Variants in DLGAP4 observed in about 807,000 individuals in gnomAD.
DLGAP4 encodes the protein DLG associated protein 4.
A neutral mutation model predicts 86.9 loss-of-function variants in DLGAP4; 18 were observed. The ratio of observed to expected loss-of-function variants is 0.21; its 90% CI spans 0.14 to 0.31. DLGAP4 has a LOEUF of 0.31. DLGAP4 is among the 10% of genes least tolerant of loss of function. The pLI, the probability that DLGAP4 is intolerant of heterozygous loss-of-function variation, is 1.00. For missense variants in DLGAP4, 1,085 were observed against 1,362.6 expected, an observed-to-expected ratio of 0.80 and a Z score of 3.21; for synonymous variants, 548 against 574.3, an observed-to-expected ratio of 0.95 and a Z score of 0.65.
At chr20:36,378,569 G>T (rs556494547) in intron 2 of DLGAP4, among the ~76,000 whole-genome samples, 1 of 152,220 alleles carries the variant, frequency 6.6e-6, no homozygotes, top group African/African-American at 2.4e-5. Context: ...GGCAGAGGCT[G>T]CCACATCCAG....
At chr20:36,443,038 G>A (rs990540756) in intron 6 of DLGAP4, among the ~76,000 whole-genome samples, 14 of 152,202 alleles carry the variant, frequency 9.2e-5, no homozygotes, top group Admixed American at 9.2e-4. Context: ...TCTGGATGGG[G>A]CAAGAAACAA....
At chr20:36,372,500 G>A (rs1292067252) in intron 2 of DLGAP4, among the ~76,000 whole-genome samples, 2 of 150,126 alleles carry the variant, frequency 1.3e-5, no homozygotes, top group African/African-American at 4.9e-5. Context: ...CTGTGATGGG[G>A]ACACCCTGGC....
chr20:36,441,515 C>T (rs560988759), intron 5 of DLGAP4, among the ~76,000 whole-genome samples: 58 of 152,300 alleles, frequency 3.8e-4, no homozygotes, highest in African/African-American at 9.4e-4. Context: ...GAATCATTTG[C>T]TTATTTACTT....
intron 7 of DLGAP4, among the ~76,000 whole-genome samples, chr20:36,466,285 C>T (rs2034348738): frequency 6.6e-6 from 1 of 152,176 alleles, no homozygotes; most frequent in South Asian, 2.1e-4. Flanking sequence ...CCGTTTTCCT[C>T]CCTATCAGAT....
intron 1 of DLGAP4, among the ~76,000 whole-genome samples, chr20:36,337,070 T>A (rs1555892164): frequency 6.6e-6 from 1 of 152,146 alleles, no homozygotes; most frequent in Non-Finnish European, 1.5e-5. Flanking sequence ...CAGCAGCAGC[T>A]GCAGCCGCAT....
intron 10 of DLGAP4, among the ~76,000 whole-genome samples, chr20:36,515,433 TGTAATCA>T (rs1218203453): frequency 5.3e-5 from 8 of 152,220 alleles, no homozygotes; most frequent in Admixed American, 3.3e-4. Flanking sequence ...TCATGTCTCT[TGTAATCA>T]GCATATACCT....
intron 6 of DLGAP4, among the ~76,000 whole-genome samples, chr20:36,443,971 G>A (rs567527432): frequency 2.4e-4 from 36 of 152,120 alleles, no homozygotes; most frequent in Non-Finnish European, 4.4e-4. Flanking sequence ...ACTTGCCCAC[G>A]TTCACATTGT....
At chr20:36,441,480 C>T (rs1350390342) in intron 5 of DLGAP4, among the ~76,000 whole-genome samples, 1 of 152,196 alleles carries the variant, frequency 6.6e-6, no homozygotes, top group Non-Finnish European at 1.5e-5. Flanking sequence ...CTGCTGTTCC[C>T]TTACCTTATC....
At chr20:36,378,527 T>C (rs897140816) in intron 2 of DLGAP4, among the ~76,000 whole-genome samples, 18 of 152,222 alleles carry the variant, frequency 1.2e-4, no homozygotes, top group Admixed American at 1.2e-3. Context: ...CAGATTGGTG[T>C]AACCAGTGGC....
At chr20:36,501,035 A>G (rs1310126624) in intron 10 of DLGAP4, among the ~76,000 whole-genome samples, 1 of 151,762 alleles carries the variant, frequency 6.6e-6, no homozygotes, top group Non-Finnish European at 1.5e-5. Flanking sequence ...ACACAGAGAA[A>G]AGTGGGAGCC....
intron 11 of DLGAP4, among the ~76,000 whole-genome samples, chr20:36,524,864 T>TGCACTCCA (rs1177863249): frequency 4.6e-5 from 7 of 151,546 alleles, no homozygotes; most frequent in African/African-American, 1.7e-4. Flanking sequence ...ATCGTGCCAC[T>TGCACTCCA]GCACTCCAGC....
At chr20:36,358,965 G>T (rs2030426683) in intron 1 of DLGAP4, among the ~76,000 whole-genome samples, 1 of 152,180 alleles carries the variant, frequency 6.6e-6, no homozygotes, top group South Asian at 2.1e-4. Context: ...AAATGCTCAA[G>T]AAGAAGTGGA....
chr20:36,385,840 G>A (rs1418839384), intron 2 of DLGAP4, among the ~76,000 whole-genome samples: 1 of 152,196 alleles, frequency 6.6e-6, no homozygotes, highest in Non-Finnish European at 1.5e-5. Context: ...TTTGGAAGGA[G>A]GTGGCCACCT....
At chr20:36,495,376 C>G (rs1192521132) in intron 7 of DLGAP4, among the ~76,000 whole-genome samples, 1 of 152,142 alleles carries the variant, frequency 6.6e-6, no homozygotes, top group Non-Finnish European at 1.5e-5. Context: ...TGGGCTATCA[C>G]CATCACCATG....
chr20:36,471,597 G>C (rs1007485568), intron 7 of DLGAP4, among the ~76,000 whole-genome samples: 1 of 152,190 alleles, frequency 6.6e-6, no homozygotes, highest in Non-Finnish European at 1.5e-5. Context: ...TTCCTCATCT[G>C]AATAGTTGGG....
intron 7 of DLGAP4, among the ~76,000 whole-genome samples, chr20:36,488,505 A>C (rs2035518725): frequency 1.3e-5 from 2 of 152,180 alleles, no homozygotes; most frequent in African/African-American, 2.4e-5. Flanking sequence ...GGGTCACTGC[A>C]AGCCTGTGGT....
At chr20:36,499,796 T>C in intron 9 of DLGAP4, 120 bp downstream of exon 9, 1 of 691,082 alleles carries the variant, frequency 1.4e-6, no homozygotes, top group South Asian at 1.8e-5. Flanking sequence ...AAGCTGGGTT[T>C]GGGTTGCGGG....
chr20:36,317,467 T>C (rs1362002143), intron 1 of DLGAP4, among the ~76,000 whole-genome samples: 10 of 101,962 alleles, frequency 9.8e-5, no homozygotes, highest in South Asian at 3.4e-4. Context: ...CTCTTTCTTT[T>C]TTTTTTTTTT....
At chr20:36,433,209 C>T (rs1468711434) in intron 3 of DLGAP4, among the ~76,000 whole-genome samples, 1 of 152,102 alleles carries the variant, frequency 6.6e-6, no homozygotes, top group Non-Finnish European at 1.5e-5. Flanking sequence ...TGAACAGAGT[C>T]AGAAATAAAG....
Sources: allele counts gnomAD v4.1 joint callset (sites outside exome capture counted in the v4.1 genomes callset), GRCh38; gene constraint gnomAD v4.1.1; transcripts MANE v1.5; gene names NCBI Gene and HGNC (gene_info 2026-07-23, HGNC 2026-07-21).